Variants in RNF212 observed in about 807,000 individuals in gnomAD.
The protein encoded by RNF212 is ring finger protein 212.
In RNF212, 33 loss-of-function variants were observed where a neutral mutation model predicts 34.7. The ratio of observed to expected loss-of-function variants is 0.95; its 90% confidence interval spans 0.72 to 1.27. The LOEUF (loss-of-function observed/expected upper bound fraction) is 1.27, where lower values mean the gene tolerates loss of function less well. RNF212 is among the 50% of genes most tolerant of loss of function. The probability of loss-of-function intolerance (pLI) is 0.00; values close to 1 mark genes in which losing one functional copy is unlikely to be tolerated. For synonymous variants in RNF212, 140 were observed against 136.1 expected (o/e 1.03, Z -0.20); for missense variants, 377 against 362.2 (o/e 1.04, Z -0.33).
chr4:1,091,183 G>A (rs28510738), intron 3 of RNF212, among the ~76,000 whole-genome samples: 1 of 152,112 alleles, frequency 6.6e-6, no homozygotes, highest in African/African-American at 2.4e-5. Flanking sequence ...TGGACCAATG[G>A]CTGGGGCAAG....
intron 2 of RNF212, among the ~76,000 whole-genome samples, chr4:1,107,543 C>T (rs1007413409): frequency 6.6e-6 from 1 of 151,164 alleles, no homozygotes; most frequent in South Asian, 2.1e-4. Context: ...CTCCGCCTCC[C>T]GGGTTCACGC....
intron 3 of RNF212, among the ~76,000 whole-genome samples, chr4:1,061,341 C>T (rs1010133883): frequency 6.6e-6 from 1 of 152,064 alleles, no homozygotes; most frequent in Non-Finnish European, 1.5e-5. Flanking sequence ...TCATCAGCCA[C>T]GAGGGGTCCA....
chr4:1,083,504 G>A lies in RNF212; in HGVS notation c.363-1885C>T, dbSNP rs138699291. 1.7e-3 allele frequency among the ~76,000 whole-genome samples: 252 copies of A among 152,280 alleles called. 6 individuals are homozygous for A. The South Asian group carries it at 0.044, about 27-fold the overall frequency. Reference sequence around the variant, plus strand: ...CTAAAAATACAAAAATCAGCCAGGCGTGGTGGGGCTGTAATCCCAGCTACT... The same window carrying A: ...CTAAAAATACAAAAATCAGCCAGGCATGGTGGGGCTGTAATCCCAGCTACT... On this transcript the variant is annotated intron_variant, in intron 5 of 9. Coordinates refer to ENST00000433731, the MANE Select transcript of RNF212 (RefSeq NM_001131034.4).
chr4:1,070,409 G>T (rs1342479392), downstream of RNF212, among the ~76,000 whole-genome samples: 3 of 144,246 alleles, frequency 2.1e-5, no homozygotes, highest in Admixed American at 2.1e-4. Context: ...GGGTGGTTTT[G>T]TAGGACTGTG....
intron 2 of RNF212, among the ~76,000 whole-genome samples, chr4:1,105,407 C>T (rs4974637): frequency 0.81 from 123,935 of 152,088 alleles, 52,116 homozygotes; most frequent in East Asian, 1. Flanking sequence ...GTGCCCTATT[C>T]TGTGCGTTCA....
In RNF212 at chr4:1,094,530, A is replaced by G. The variant is rs111757425; in HGVS notation, c.246+2235T>C. Among the ~76,000 whole-genome samples the G allele has an allele frequency of 7.4e-3, 1,128 of 152,274 alleles. 8 individuals are homozygous for G. Among genetic ancestry groups the G allele is most frequent in the Non-Finnish European group, 0.011 (761 of 68,006 alleles). On this transcript the variant is annotated intron_variant, in intron 3 of 9. Coordinates refer to ENST00000433731, the MANE Select transcript of RNF212 (RefSeq NM_001131034.4). ...AGCAGCTGGTAAAAGCTGCCAGGGG[A>G]GGGGACCATGGAGCCAACACTGCCA...
At chr4:1,088,030 G>A (rs1348823176) in intron 4 of RNF212, among the ~76,000 whole-genome samples, 5 of 152,142 alleles carry the variant, frequency 3.3e-5, no homozygotes, top group African/African-American at 7.2e-5. Context: ...CCAGTAGAGT[G>A]GGGCACTGCT....
downstream of RNF212, among the ~76,000 whole-genome samples, chr4:1,069,643 C>G (rs1169624630): frequency 6.6e-6 from 1 of 152,226 alleles, no homozygotes. Flanking sequence ...CAGAACAGGT[C>G]ACCTCTGTGC....
At chr4:1,077,892 G>C (rs1719582783) in intron 8 of RNF212, among the ~76,000 whole-genome samples, 1 of 152,230 alleles carries the variant, frequency 6.6e-6, no homozygotes, top group African/African-American at 2.4e-5. Context: ...TGTTGCCGGT[G>C]GGTGTGGGCG....
chr4:1,099,965 C>A (rs1177557649), intron 2 of RNF212: 2 of 439,490 alleles, frequency 4.6e-6, no homozygotes, highest in African/African-American at 4.0e-5. Context: ...GAGGCTGATG[C>A]AGCCACTGCC....
chr4:1,085,001 T>C (rs1720945941), intron 5 of RNF212, among the ~76,000 whole-genome samples: 1 of 152,214 alleles, frequency 6.6e-6, no homozygotes, highest in Non-Finnish European at 1.5e-5. Context: ...GGCCATGCCA[T>C]GCTCAGCTGC....
chr4:1,093,765 G>C, intron 3 of RNF212: 1 of 1,536,296 alleles, frequency 6.5e-7, no homozygotes, highest in South Asian at 1.2e-5. Flanking sequence ...GACTTGGTGT[G>C]AATGAGGGTC....
chr4:1,099,967 G>T, intron 2 of RNF212: 1 of 438,662 alleles, frequency 2.3e-6, no homozygotes, highest in Non-Finnish European at 4.6e-6. Flanking sequence ...GGCTGATGCA[G>T]CCACTGCCGC....
intron 1 of RNF212, among the ~76,000 whole-genome samples, chr4:1,112,761 C>T (rs1175750755): frequency 7.5e-6 from 1 of 134,216 alleles, no homozygotes; most frequent in African/African-American, 2.8e-5. Flanking sequence ...CGGACCCTCC[C>T]CCACGCCCTC....
intron 2 of RNF212, chr4:1,099,693 G>C: frequency 2.2e-6 from 1 of 456,186 alleles, no homozygotes; most frequent in Non-Finnish European, 4.4e-6. Context: ...GTACAGTAAC[G>C]AGGATACATA....
At chr4:1,082,367 C>T (rs536591602) in intron 5 of RNF212, among the ~76,000 whole-genome samples, 6 of 152,302 alleles carry the variant, frequency 3.9e-5, no homozygotes, top group South Asian at 2.1e-4. Context: ...GAGATGCACA[C>T]GTAAGACTGG....
chr4:1,088,723 T>C (rs1452884013), intron 4 of RNF212, among the ~76,000 whole-genome samples: 1 of 152,212 alleles, frequency 6.6e-6, no homozygotes, highest in Non-Finnish European at 1.5e-5. Flanking sequence ...CCTGCCCAAC[T>C]CTCGTGCAGC....
chr4:1,072,877 A>G lies in RNF212; in HGVS notation c.891T>C (p.Phe297=). The G allele has an allele frequency of 6.3e-7, 1 of 1,595,716 alleles. No homozygotes were observed. The highest frequency in any genetic ancestry group is 8.5e-7 in the Non-Finnish European group (1 of 1,169,978). ...PLCQFERKKS[F] is the part of the protein sequence containing the mutation. ...TTAATAGTCACATAAATGCAAATCA[A>G]AATGACTTTTTCCTTTCAAATTGGC... Residue 297 remains phenylalanine, a synonymous_variant, in exon 10 of 10, where the codon TTT becomes TTC. Transcript: ENST00000433731.
At chr4:1,077,810 C>T (rs964542524) in intron 8 of RNF212, among the ~76,000 whole-genome samples, 1 of 152,088 alleles carries the variant, frequency 6.6e-6, no homozygotes, top group African/African-American at 2.4e-5. Flanking sequence ...GTGGGGTCCT[C>T]GATGTGGGCC....
Sources: gnomAD v4.1 joint callset for allele counts (sites outside exome capture counted in the v4.1 genomes callset) on GRCh38, gnomAD v4.1.1 for gene constraint, MANE v1.5 for transcripts, NCBI Gene and HGNC (gene_info 2026-07-23, HGNC 2026-07-21) for gene names.